Variants in FSTL5 observed in about 807,000 individuals in gnomAD.
The protein encoded by FSTL5 is follistatin-related protein 5.
Under a neutral mutation model 89.1 loss-of-function variants are expected in FSTL5, and 62 were observed. The ratio of observed to expected loss-of-function variants is 0.70; its 90% CI spans 0.57 to 0.86. FSTL5 has a LOEUF of 0.86. Among genes scored for constraint, FSTL5 ranks in the 40% least tolerant of loss-of-function variants. The pLI is 0.00. For missense variants in FSTL5, 1,057 were observed against 1,001.6 expected, an observed-to-expected ratio of 1.06 and a Z score of -0.75; for synonymous variants, 383 against 346.2, an observed-to-expected ratio of 1.11 and a Z score of -1.18.
chr4:161,653,987 A>T (rs1470211557), intron 7 of FSTL5, among the ~76,000 whole-genome samples: 3 of 152,314 alleles, frequency 2.0e-5, no homozygotes, highest in African/African-American at 7.2e-5. Context: ...AAACATTTTT[A>T]AAATTCTCAA....
Position 161,977,952 on chromosome 4 carries a change from T to C in FSTL5, c.160+55673A>G, listed in dbSNP as rs917100103. Among the ~76,000 whole-genome samples the C allele has an allele frequency of 4.6e-5, 7 of 152,290 alleles. No homozygotes were observed. In the East Asian group the frequency reaches 7.7e-4, roughly 17 times the overall value. On this transcript the variant is annotated intron_variant, in intron 3 of 15. Transcript: ENST00000306100. The stretch of plus-strand genomic sequence containing the variant: ...AGAAATTACCATATAAAATCTGCAA[T>C]TTATCTTAACACTGTCATAGTGATG...
chr4:161,477,704 A>T (rs1729335332), intron 13 of FSTL5, among the ~76,000 whole-genome samples: 1 of 151,810 alleles, frequency 6.6e-6, no homozygotes, highest in Non-Finnish European at 1.5e-5. Flanking sequence ...ATACATATCA[A>T]TTTTAATTTT....
chr4:161,827,536 T>C (rs143299898), intron 4 of FSTL5, among the ~76,000 whole-genome samples: 90 of 152,264 alleles, frequency 5.9e-4, no homozygotes, highest in African/African-American at 2.0e-3. Context: ...GCCCTTTGTC[T>C]TCGACTACCA....
intron 3 of FSTL5, among the ~76,000 whole-genome samples, chr4:161,955,353 A>G (rs1249686626): frequency 6.6e-6 from 1 of 151,680 alleles, no homozygotes; most frequent in Non-Finnish European, 1.5e-5. Flanking sequence ...AAGGTAACAA[A>G]AAAGCAAATA....
intron 2 of FSTL5, among the ~76,000 whole-genome samples, chr4:162,066,337 T>TCTTCTTCTTCTC (rs1738905752): frequency 7.3e-6 from 1 of 137,476 alleles, no homozygotes; most frequent in Non-Finnish European, 1.5e-5. Context: ...TTCTTCTTCT[T>TCTTCTTCTTCTC]CTTCTTCTTC....
rs180961201 is a variant in FSTL5 at position 161,889,066 on chromosome 4, G to A, written c.409+31338C>T. Among the ~76,000 whole-genome samples, 725 of 152,064 alleles carry A rather than the reference G, an allele frequency of 4.8e-3. 3 individuals are homozygous for A. Among genetic ancestry groups the A allele is most frequent in the African/African-American group, 0.017 (692 of 41,488 alleles). ...ATACAAAATATATAAGTTACTTTGC[G>A]TGTATAACTGAGAAAAATGAATTAT... On this transcript the variant is annotated intron_variant, in intron 4 of 15. Coordinates refer to ENST00000306100, the MANE Select transcript of FSTL5 (RefSeq NM_020116.5).
chr4:161,822,750 G>A (rs1209884560), intron 4 of FSTL5, among the ~76,000 whole-genome samples: 1 of 152,174 alleles, frequency 6.6e-6, no homozygotes, highest in Non-Finnish European at 1.5e-5. Context: ...TTTCAGGCCC[G>A]CATTCAGCAT....
At chr4:161,875,381 GC>G (rs1732409841) in intron 4 of FSTL5, among the ~76,000 whole-genome samples, 1 of 152,130 alleles carries the variant, frequency 6.6e-6, no homozygotes, top group Admixed American at 6.5e-5. Context: ...CTGGTTGGTT[GC>G]TTTTTGCAAC....
At chr4:161,924,759 G>A (rs1016527485) in intron 3 of FSTL5, among the ~76,000 whole-genome samples, 1 of 151,736 alleles carries the variant, frequency 6.6e-6, no homozygotes, top group African/African-American at 2.4e-5. Flanking sequence ...AGAGACAGAA[G>A]CAGGATTTAA....
chr4:162,134,704 T>C (rs1056593673), intron 1 of FSTL5, among the ~76,000 whole-genome samples: 3 of 152,248 alleles, frequency 2.0e-5, no homozygotes, highest in African/African-American at 7.2e-5. Flanking sequence ...TACATAGTTC[T>C]GGGAGGAGTT....
At chr4:161,472,747 A>C (rs1733990993) in intron 13 of FSTL5, among the ~76,000 whole-genome samples, 1 of 130,154 alleles carries the variant, frequency 7.7e-6, no homozygotes, top group African/African-American at 2.9e-5. Flanking sequence ...TTTTTTTTTG[A>C]GACGGAGTCT....
At chr4:162,046,924 T>C (rs918204473) in intron 2 of FSTL5, among the ~76,000 whole-genome samples, 16 of 152,144 alleles carry the variant, frequency 1.1e-4, no homozygotes, top group African/African-American at 3.6e-4. Flanking sequence ...TCTAATTATT[T>C]GGTTTGTGAA....
chr4:161,849,186 C>A (rs1731473361), intron 4 of FSTL5, among the ~76,000 whole-genome samples: 1 of 152,150 alleles, frequency 6.6e-6, no homozygotes, highest in Non-Finnish European at 1.5e-5. Context: ...AGTGCCCACT[C>A]ACTTTTAAAT....
chr4:161,718,528 A>G (rs1373032960), intron 6 of FSTL5, among the ~76,000 whole-genome samples: 1 of 152,006 alleles, frequency 6.6e-6, no homozygotes, highest in Non-Finnish European at 1.5e-5. Context: ...TCCCAGGTTC[A>G]AGCAATTCTC....
At position 161,542,588 on chromosome 4, in the gene FSTL5, C is replaced by A. The variant is rs1731863976; in HGVS notation, c.1121G>T (p.Trp374Leu). The change falls in exon 9 of 16, where the codon TGG becomes TTG. Residue 374 changes from tryptophan (W) to leucine (L), a missense_variant. Trp to Leu is a moderately conservative substitution (Grantham distance 61). Around this residue, in one of 3 missense-constraint regions of FSTL5, gnomAD observed 980 missense variants for 903.2 expected, o/e 1.08. Transcript: ENST00000306100. Reference protein sequence around the residue: ...AEGIPKPQLGWLKNGIDITPK... With the variant: ...AEGIPKPQLGLLKNGIDITPK... ...TGTAATATCAATTCCATTCTTCAAC[C>A]AGCCAAGCTGAGGCTTTGGTATGCC... 6.4e-7 allele frequency: 1 copy of A among 1,566,814 alleles called. No homozygotes were observed. Among genetic ancestry groups the A allele is most frequent in the Admixed American group, 1.8e-5 (1 of 55,790 alleles).
At chr4:161,567,506 A>T (rs10776533) in intron 8 of FSTL5, among the ~76,000 whole-genome samples, 2 of 152,192 alleles carry the variant, frequency 1.3e-5, no homozygotes, top group Non-Finnish European at 2.9e-5. Context: ...CCTCATGAGC[A>T]TTTTGTAACA....
Position 161,498,492 on chromosome 4 carries a change from T to C in FSTL5, c.1458+1524A>G, listed in dbSNP as rs148941112. Among the ~76,000 whole-genome samples, 659 of 152,248 alleles carry C rather than the reference T, an allele frequency of 4.3e-3. 12 individuals carry two copies. The South Asian group carries it at 0.05, about 12-fold the overall frequency. On this transcript the variant is annotated intron_variant, in intron 12 of 15. Coordinates refer to ENST00000306100, the MANE Select transcript of FSTL5 (RefSeq NM_020116.5). ...AGGAAAAATATTCTTTGTCTCTAAA[T>C]TTGCAAATCAGATTCCTGAAGTGAT...
chr4:161,657,150 C>T (rs919721286), intron 6 of FSTL5, among the ~76,000 whole-genome samples: 4 of 152,174 alleles, frequency 2.6e-5, no homozygotes, highest in Non-Finnish European at 5.9e-5. Flanking sequence ...ACATTTCTGT[C>T]TATTGCTGGA....
intron 3 of FSTL5, among the ~76,000 whole-genome samples, chr4:162,019,342 C>A (rs1462781768): frequency 6.6e-6 from 1 of 151,972 alleles, no homozygotes; most frequent in Non-Finnish European, 1.5e-5. Flanking sequence ...AGATTTGCAA[C>A]CTCAATTCTT....
Sources: allele counts gnomAD v4.1 joint callset (sites outside exome capture counted in the v4.1 genomes callset), GRCh38; gene constraint gnomAD v4.1.1; regional missense constraint gnomAD v4.1.1; transcripts MANE v1.5; gene names NCBI Gene and HGNC (gene_info 2026-07-23, HGNC 2026-07-21).